NWD2: variants seen among roughly 807,000 people sequenced by gnomAD.
NWD2 encodes the protein NACHT and WD repeat domain containing 2.
A neutral mutation model predicts 132.7 loss-of-function variants in NWD2; 37 were observed. That is an observed-to-expected ratio of 0.28 (90% CI 0.21 to 0.37). The LOEUF is 0.37. NWD2 is among the 10% of genes least tolerant of loss of function. The pLI is 1.00. For missense variants in NWD2, 1,592 were observed against 2,122.4 expected (o/e 0.75, Z 4.91); for synonymous variants, 705 against 803.0 (o/e 0.88, Z 2.06).
At chr4:37,383,554 G>GATCTC (rs1720501804) in intron 3 of NWD2, among the ~76,000 whole-genome samples, 1 of 152,026 alleles carries the variant, frequency 6.6e-6, no homozygotes, top group South Asian at 2.1e-4. Flanking sequence ...TTTGAGTTCT[G>GATCTC]ATCTCGTAGG....
chr4:37,379,370 G>A (rs1014739305), intron 3 of NWD2, among the ~76,000 whole-genome samples: 12 of 106,066 alleles, frequency 1.1e-4, no homozygotes, highest in Non-Finnish European at 3.1e-4. Context: ...GCACTTCACA[G>A]AACAAACAGA....
Position 37,268,226 on chromosome 4 carries a change from C to T in NWD2, c.151+23008C>T, listed in dbSNP as rs76294206. 4.4e-3 allele frequency among the ~76,000 whole-genome samples: 663 copies of T among 151,944 alleles called. 6 individuals carry two copies. Among genetic ancestry groups the T allele is most frequent in the African/African-American group, 0.015 (609 of 41,490 alleles). On this transcript the variant is annotated intron_variant, in intron 1 of 6. Transcript: ENST00000309447. ...TGTATCCTGTTTTTACACATTCCCC[C>T]AAATGAAGCCCGTATTATCTTCTCT...
intron 3 of NWD2, among the ~76,000 whole-genome samples, chr4:37,428,619 G>T (rs1347255225): frequency 6.6e-6 from 1 of 152,238 alleles, no homozygotes; most frequent in Non-Finnish European, 1.5e-5. Flanking sequence ...GAATTTACAT[G>T]TTCCCAGGTG....
intron 3 of NWD2, among the ~76,000 whole-genome samples, chr4:37,414,154 C>G (rs1251218705): frequency 6.6e-6 from 1 of 151,972 alleles, no homozygotes; most frequent in Non-Finnish European, 1.5e-5. Context: ...ATCCTTAATT[C>G]TACTGAATGT....
intron 1 of NWD2, among the ~76,000 whole-genome samples, chr4:37,247,555 G>A (rs996725714): frequency 5.9e-5 from 9 of 152,116 alleles, no homozygotes; most frequent in Admixed American, 3.9e-4. Flanking sequence ...AGGCTTGCAT[G>A]GAATTTCCCC....
At chr4:37,318,290 T>A (rs1718999533) in intron 1 of NWD2, among the ~76,000 whole-genome samples, 2 of 152,156 alleles carry the variant, frequency 1.3e-5, no homozygotes, top group South Asian at 2.1e-4. Context: ...CCTCCCAAAG[T>A]GCTGGGATTA....
chr4:37,260,199 A>G (rs1196814091), intron 1 of NWD2, among the ~76,000 whole-genome samples: 3 of 152,126 alleles, frequency 2.0e-5, no homozygotes, highest in African/African-American at 7.2e-5. Flanking sequence ...TGTCCTTGAG[A>G]TAACATGAGG....
intron 3 of NWD2, among the ~76,000 whole-genome samples, chr4:37,366,889 G>A (rs1055276030): frequency 1.3e-5 from 2 of 152,194 alleles, no homozygotes; most frequent in Non-Finnish European, 1.5e-5. Flanking sequence ...CATAATTGGA[G>A]ATATTTACAA....
At chr4:37,311,319 T>C (rs924469294) in intron 1 of NWD2, among the ~76,000 whole-genome samples, 30 of 152,216 alleles carry the variant, frequency 2.0e-4, no homozygotes, top group African/African-American at 7.0e-4. Flanking sequence ...TTTTAATGAT[T>C]GCCATTCTAA....
At chr4:37,330,242 A>G (rs1044594587) in intron 2 of NWD2, among the ~76,000 whole-genome samples, 2 of 152,176 alleles carry the variant, frequency 1.3e-5, no homozygotes, top group Non-Finnish European at 2.9e-5. Context: ...TGATGGGTAC[A>G]TATATAGGTT....
intron 6 of NWD2, among the ~76,000 whole-genome samples, chr4:37,440,424 T>C (rs1002081760): frequency 6.6e-6 from 1 of 152,160 alleles, no homozygotes; most frequent in Non-Finnish European, 1.5e-5. Flanking sequence ...CACTTCTCCA[T>C]CACAGCAGCT....
At chr4:37,248,726 A>G (rs536778352) in intron 1 of NWD2, among the ~76,000 whole-genome samples, 1 of 152,336 alleles carries the variant, frequency 6.6e-6, no homozygotes, top group Non-Finnish European at 1.5e-5. Flanking sequence ...TAGAGTGTAA[A>G]GGCCCTCCTC....
intron 1 of NWD2, among the ~76,000 whole-genome samples, chr4:37,254,130 T>C (rs1478571988): frequency 6.6e-6 from 1 of 152,152 alleles, no homozygotes; most frequent in African/African-American, 2.4e-5. Context: ...AATGAAATAA[T>C]CTGTACAACC....
chr4:37,315,709 A>T (rs1718941876), intron 1 of NWD2, among the ~76,000 whole-genome samples: 1 of 151,792 alleles, frequency 6.6e-6, no homozygotes, highest in Non-Finnish European at 1.5e-5. Flanking sequence ...GCTTGGATTT[A>T]TTTCTGCCAT....
chr4:37,371,963 A>G (rs1720236887), intron 3 of NWD2, among the ~76,000 whole-genome samples: 1 of 152,192 alleles, frequency 6.6e-6, no homozygotes, highest in South Asian at 2.1e-4. Context: ...ATTTTAGGAG[A>G]TCAAGAAGTC....
In NWD2 at chr4:37,244,808, G is replaced by A. The variant is rs1163077792; in HGVS notation, c.-260G>A. ...CCGCTCCAGCTGGCTGCTGCTCGGA[G>A]CCCTAGCAGCGGGCGAAGGCGGAGG... On this transcript the variant is annotated 5_prime_UTR_variant, in exon 1 of 7. Coordinates refer to ENST00000309447, the MANE Select transcript of NWD2 (RefSeq NM_001144990.2). This position sits in a 1 kb window ranked among gnomAD's most constrained non-coding sequence, Gnocchi z 5.5. The A allele has an allele frequency of 2.4e-5, 11 of 459,520 alleles. No homozygotes were observed. Among genetic ancestry groups the A allele is most frequent in the Non-Finnish European group, 7.7e-6 (2 of 260,444 alleles). 28.5% of individuals were successfully genotyped at this position (459,520 alleles called of 1,614,324 possible).
intron 1 of NWD2, among the ~76,000 whole-genome samples, chr4:37,265,472 T>A (rs1717729979): frequency 6.6e-6 from 1 of 152,140 alleles, no homozygotes; most frequent in Non-Finnish European, 1.5e-5. Context: ...CGAATTCAGT[T>A]TCACTGGTCT....
intron 1 of NWD2, among the ~76,000 whole-genome samples, chr4:37,292,491 T>A (rs1381344778): frequency 6.6e-6 from 1 of 152,130 alleles, no homozygotes; most frequent in Non-Finnish European, 1.5e-5. Flanking sequence ...TTTCCAGAAC[T>A]GTGAGAAATA....
At chr4:37,349,141 A>T (rs1398527857) in intron 2 of NWD2, among the ~76,000 whole-genome samples, 1 of 152,100 alleles carries the variant, frequency 6.6e-6, no homozygotes, top group Non-Finnish European at 1.5e-5. Flanking sequence ...CACAATAAAC[A>T]TATGTGTGCA....
Sources: allele counts gnomAD v4.1 joint callset (sites outside exome capture counted in the v4.1 genomes callset), GRCh38; gene constraint gnomAD v4.1.1; non-coding constraint Gnocchi (gnomAD v3.1); transcripts MANE v1.5; gene names NCBI Gene and HGNC (gene_info 2026-07-23, HGNC 2026-07-21).